The following MAPK4 variants were observed in gnomAD, a reference collection of about 807,000 sequenced individuals.
MAPK4 encodes the protein mitogen-activated protein kinase 4.
Under a neutral mutation model 47.7 loss-of-function variants are expected in MAPK4, and 22 were observed. The ratio of observed to expected loss-of-function variants is 0.46; its 90% CI spans 0.33 to 0.66. MAPK4 has a LOEUF of 0.66. Among genes scored for constraint, MAPK4 ranks in the 30% least tolerant of loss-of-function variants. The probability of loss-of-function intolerance (pLI) is 0.02; values close to 1 mark genes in which losing one functional copy is unlikely to be tolerated. For synonymous variants in MAPK4, 390 were observed against 365.7 expected (o/e 1.07, Z -0.76); for missense variants, 736 against 831.7 (o/e 0.88, Z 1.42).
At chr18:50,592,663 T>C (rs1426110517) in intron 1 of MAPK4, among the ~76,000 whole-genome samples, 1 of 152,224 alleles carries the variant, frequency 6.6e-6, no homozygotes, top group African/African-American at 2.4e-5. Context: ...AATTTATTGA[T>C]TGATCAAAGT....
At chr18:50,693,419 C>A (rs2144356379) in intron 2 of MAPK4, among the ~76,000 whole-genome samples, 1 of 152,220 alleles carries the variant, frequency 6.6e-6, no homozygotes, top group Admixed American at 6.5e-5. Context: ...GCACACCAAG[C>A]AGAGAGCAGT....
intron 1 of MAPK4, among the ~76,000 whole-genome samples, chr18:50,602,719 G>A (rs1266233670): frequency 5.3e-5 from 8 of 152,182 alleles, no homozygotes. Context: ...GACGAGTGAT[G>A]TTCAAGATCA....
chr18:50,604,158 T>A (rs1465794617), intron 1 of MAPK4, among the ~76,000 whole-genome samples: 1 of 152,250 alleles, frequency 6.6e-6, no homozygotes, highest in African/African-American at 2.4e-5. Context: ...GCCTCAGTAC[T>A]TCTCAAACCA....
rs187143614 is a variant in MAPK4, at chr18:50,698,269, A to C, written c.547-16810A>C. On this transcript the variant is annotated intron_variant, in intron 2 of 5. Coordinates refer to ENST00000400384, the MANE Select transcript of MAPK4 (RefSeq NM_002747.4). Reference sequence around the variant, plus strand: ...TCAAACAGCCCTAAATTATCAAGGAACATAACTATAGACACAACAGAGACT... The same window carrying C: ...TCAAACAGCCCTAAATTATCAAGGACCATAACTATAGACACAACAGAGACT... 1.5e-3 allele frequency among the ~76,000 whole-genome samples: 236 copies of C among 152,336 alleles called. 2 individuals carry two copies. The highest frequency in any genetic ancestry group is 5.5e-3 in the African/African-American group (228 of 41,580).
rs1908067740 is a variant in MAPK4, at chr18:50,673,261, AG to A, written c.546+8758del. Among the ~76,000 whole-genome samples, 3 of 152,334 alleles carry A rather than the reference AG, an allele frequency of 2.0e-5. No homozygotes were observed. The South Asian group carries it at 6.2e-4, about 32-fold the overall frequency. On this transcript the variant is annotated intron_variant, in intron 2 of 5. Transcript: ENST00000400384. ...CACTTCACTCCAGCCTAAGCGAAAGAGTGAAACTCCGCCTCAAAAAAATAAA... is the reference window on the plus strand; with the variant it reads ...CACTTCACTCCAGCCTAAGCGAAAGATGAAACTCCGCCTCAAAAAAATAAA...
chr18:50,616,315 C>T lies in MAPK4; in HGVS notation c.-870-46774C>T, dbSNP rs568396901. 7.2e-5 allele frequency among the ~76,000 whole-genome samples: 11 copies of T among 152,312 alleles called. No individual in the cohort carries two copies. The South Asian group carries it at 2.3e-3, about 32-fold the overall frequency. On this transcript the variant is annotated intron_variant, in intron 1 of 5. Coordinates refer to ENST00000400384, the MANE Select transcript of MAPK4 (RefSeq NM_002747.4). ...CAGCTCTGCTGCCTAGCTTCTGTGG[C>T]ACCTCAGGCTGAAGTACTCAACTCT... is the stretch of plus-strand genomic sequence containing the variant.
At chr18:50,614,697 T>TAG (rs1200767551) in intron 1 of MAPK4, among the ~76,000 whole-genome samples, 1 of 152,230 alleles carries the variant, frequency 6.6e-6, no homozygotes, top group African/African-American at 2.4e-5. Flanking sequence ...TAGACCTATC[T>TAG]AGATGTGTAT....
intron 2 of MAPK4, among the ~76,000 whole-genome samples, chr18:50,707,687 A>G (rs1289840497): frequency 6.6e-6 from 1 of 151,890 alleles, no homozygotes; most frequent in East Asian, 1.9e-4. Context: ...GGTGAACTTT[A>G]TGGTATGTGT....
chr18:50,573,130 T>G (rs2042264458), intron 1 of MAPK4, among the ~76,000 whole-genome samples: 1 of 145,304 alleles, frequency 6.9e-6, no homozygotes, highest in Non-Finnish European at 1.5e-5. Context: ...AAGGGATTTG[T>G]TAGTTTATAT....
At chr18:50,651,718 A>G (rs1178155018) in intron 1 of MAPK4, among the ~76,000 whole-genome samples, 4 of 152,334 alleles carry the variant, frequency 2.6e-5, no homozygotes, top group South Asian at 2.1e-4. Flanking sequence ...CCAGTTGGCA[A>G]TTCATTGTAG....
chr18:50,654,098 G>T (rs920507332), intron 1 of MAPK4, among the ~76,000 whole-genome samples: 2 of 152,224 alleles, frequency 1.3e-5, no homozygotes, highest in Non-Finnish European at 2.9e-5. Flanking sequence ...ATCTGCCATT[G>T]CTGGTCGAAA....
At chr18:50,648,123 G>A (rs1001717055) in intron 1 of MAPK4, among the ~76,000 whole-genome samples, 7 of 152,082 alleles carry the variant, frequency 4.6e-5, no homozygotes, top group Admixed American at 1.3e-4. Flanking sequence ...GAGAGAGAGA[G>A]AGAGAGTCCC....
At chr18:50,620,090 C>T (rs1276051913) in intron 1 of MAPK4, among the ~76,000 whole-genome samples, 1 of 152,210 alleles carries the variant, frequency 6.6e-6, no homozygotes. Context: ...TTATTTGTCC[C>T]AAAGATTATT....
At chr18:50,726,591 G>A (rs1392550783) in intron 5 of MAPK4, among the ~76,000 whole-genome samples, 1 of 152,104 alleles carries the variant, frequency 6.6e-6, no homozygotes, top group African/African-American at 2.4e-5. Flanking sequence ...GTTTCATGTT[G>A]GTAACTCTTA....
intron 1 of MAPK4, among the ~76,000 whole-genome samples, chr18:50,586,979 AAAT>A (rs1481499897): frequency 1.3e-5 from 2 of 152,200 alleles, no homozygotes; most frequent in Non-Finnish European, 2.9e-5. Flanking sequence ...CAATCTGAGA[AAAT>A]AAAATTATGA....
chr18:50,603,985 C>G (rs1347605217), intron 1 of MAPK4, among the ~76,000 whole-genome samples: 1 of 152,106 alleles, frequency 6.6e-6, no homozygotes, highest in Admixed American at 6.5e-5. Context: ...CCTTACTTAA[C>G]AGAGGATTAG....
intron 2 of MAPK4, among the ~76,000 whole-genome samples, chr18:50,673,926 T>C (rs1448289511): frequency 6.6e-6 from 1 of 152,220 alleles, no homozygotes; most frequent in Non-Finnish European, 1.5e-5. Flanking sequence ...TTATTTCCTG[T>C]CCATGTTGTT....
chr18:50,727,996 T>C lies in MAPK4; in HGVS notation c.1068-1162T>C, dbSNP rs116709275. Among the ~76,000 whole-genome samples, 1,101 of 152,350 alleles carry C rather than the reference T, an allele frequency of 7.2e-3. 20 individuals carry two copies. The highest frequency in any genetic ancestry group is 0.025 in the African/African-American group (1,019 of 41,586). ...GGCCACTCAATCAAGGAGGCAGGGTTCAGCTGTAGGAGCAATTCCTGCCCT... is the reference window on the plus strand; with the variant it reads ...GGCCACTCAATCAAGGAGGCAGGGTCCAGCTGTAGGAGCAATTCCTGCCCT... On this transcript the variant is annotated intron_variant, in intron 5 of 5. Transcript: ENST00000400384.
At chr18:50,567,730 TTGTGTGTGTGTG>T (rs10551391) in intron 1 of MAPK4, among the ~76,000 whole-genome samples, 1 of 149,088 alleles carries the variant, frequency 6.7e-6, no homozygotes, top group African/African-American at 2.5e-5. Context: ...TTATAGGACT[TTGTGTGTGTGTG>T]TGTGTGTGTG....
Sources: gnomAD v4.1 joint callset for allele counts (sites outside exome capture counted in the v4.1 genomes callset) on GRCh38, gnomAD v4.1.1 for gene constraint, MANE v1.5 for transcripts, NCBI Gene and HGNC (gene_info 2026-07-23, HGNC 2026-07-21) for gene names.